Variants in SPEG observed in about 807,000 individuals in gnomAD.
SPEG encodes striated muscle enriched protein kinase.
Under a neutral mutation model 300.4 loss-of-function variants are expected in SPEG, and 114 were observed. The ratio of observed to expected loss-of-function variants is 0.38; its 90% CI spans 0.33 to 0.44. The LOEUF (loss-of-function observed/expected upper bound fraction) is 0.44. Among genes scored for constraint, SPEG ranks in the 20% least tolerant of loss-of-function variants. The pLI, the probability that SPEG is intolerant of heterozygous loss-of-function variation, is 1.00. For missense variants in SPEG, 4,201 were observed against 4,586.2 expected (o/e 0.92, Z 2.43); for synonymous variants, 1,964 against 2,018.9 (o/e 0.97, Z 0.73).
chr2:219,469,661 A>C (rs1043873967), intron 13 of SPEG, among the ~76,000 whole-genome samples: 1 of 152,208 alleles, frequency 6.6e-6, no homozygotes, highest in Non-Finnish European at 1.5e-5. Context: ...CAAGTTACAG[A>C]AGCCCTCTGT....
chr2:219,473,550 C>A lies in SPEG; in HGVS notation c.4194C>A (p.Ile1398=), dbSNP rs767998262. The change falls in exon 17 of 41, where the codon ATC becomes ATA. Residue 1398 remains isoleucine, a synonymous_variant. Coordinates refer to ENST00000312358, the MANE Select transcript of SPEG (RefSeq NM_005876.5). This position sits in a 1 kb window ranked among gnomAD's most constrained non-coding sequence, Gnocchi z 4.6. ...EAPAMLDKPD[I]VYVVEGQPAS... The stretch of plus-strand genomic sequence containing the variant: ...CTGCCATGCTGGACAAACCAGACAT[C>A]GTGTATGTGGTGGAGGGACAGCCTG... The A allele has an allele frequency of 1.2e-6, 2 of 1,613,984 alleles. No homozygotes were observed. The highest frequency in any genetic ancestry group is 1.3e-5 in the African/African-American group (1 of 74,906).
Position 219,449,057 on chromosome 2 carries a change from C to T in SPEG, c.1899C>T (p.Pro633=). ...CACCCCCCGGTCGGAAGCGGGAGCC[C>T]CCGGCGCAGGCCGTGCGCTTCCTGC... The part of the protein sequence containing the change: ...TKAPPGRKRE[P]PAQAVRFLPW... The change falls in exon 4 of 41, where the codon CCC becomes CCT. Residue 633 remains proline, a synonymous_variant. Coordinates refer to ENST00000312358, the MANE Select transcript of SPEG (RefSeq NM_005876.5). The T allele has an allele frequency of 6.6e-7, 1 of 1,518,594 alleles. No individual in the cohort carries two copies. The highest frequency in any genetic ancestry group is 8.8e-7 in the Non-Finnish European group (1 of 1,132,988). The allele number at this position is 1,518,594 out of a possible 1,614,324, so 94.1% of individuals were successfully genotyped here.
Position 219,473,425 on chromosome 2 carries a change from T to G in SPEG, c.4148-79T>G. 2.9e-6 allele frequency: 4 copies of G among 1,358,204 alleles called. No homozygotes were observed. The highest frequency in any genetic ancestry group is 3.1e-6 in the Non-Finnish European group (3 of 959,694). The allele number at this position is 1,358,204 out of a possible 1,614,324, so 84.1% of individuals were successfully genotyped here. On this transcript the variant is annotated intron_variant, in intron 16 of 40. Transcript: ENST00000312358. The surrounding 1 kb of genome is among the most constrained non-coding windows in gnomAD (Gnocchi z 4.6). ...TGTAAAAACGGAACTCAAGTGTTGATGAGGGGTGTTAGAGGAGTGGTGGGT... is the reference window on the plus strand; with the variant it reads ...TGTAAAAACGGAACTCAAGTGTTGAGGAGGGGTGTTAGAGGAGTGGTGGGT...
intron 13 of SPEG, among the ~76,000 whole-genome samples, chr2:219,471,168 G>A (rs1575128534): frequency 6.6e-6 from 1 of 152,110 alleles, no homozygotes; most frequent in African/African-American, 2.4e-5. Context: ...CGGGCCAGGG[G>A]CAGGGGGGCT....
rs1236593734 is a variant in SPEG at position 219,451,701 on chromosome 2, C to T, written c.2334C>T (p.Thr778=). The change falls in exon 6 of 41, where the codon ACC becomes ACT. Residue 778 remains threonine, a synonymous_variant. Transcript: ENST00000312358. The surrounding 1 kb of genome is among the most constrained non-coding windows in gnomAD (Gnocchi z 6.4). ...LLLRAEGERH[T]LLLREARAAD... ...TCCGGGCTGAGGGTGAGCGGCACAC[C>T]CTGCTGCTCAGGGAGGCCAGGGCAG... 1 of 1,573,004 alleles carries T rather than the reference C, an allele frequency of 6.4e-7. No homozygotes were observed. Among genetic ancestry groups the T allele is most frequent in the African/African-American group, 1.3e-5 (1 of 74,272 alleles).
chr2:219,487,202 A>G (rs1693516741), intron 31 of SPEG, among the ~76,000 whole-genome samples: 2 of 152,154 alleles, frequency 1.3e-5, no homozygotes, highest in African/African-American at 2.4e-5. Context: ...AGGGCACTAA[A>G]GAGGCACAGG....
chr2:219,484,917 C>A lies in SPEG; in HGVS notation c.7454C>A (p.Thr2485Lys). Residue 2485 changes from threonine to lysine, a missense_variant, in exon 30 of 41, where the codon ACG becomes AAG. Physicochemically the swap from Thr to Lys is moderately conservative, Grantham distance 78 (BLOSUM62 -1). Around this residue, in one of 4 missense-constraint regions of SPEG, gnomAD observed 1,578 missense variants for 1,506.0 expected, o/e 1.05. Transcript: ENST00000312358. ...EDSGGASGRS[T>K]PLFGRLRRAT... ...TCGGGGGGCGCGTCGGGCCGCAGCACGCCGCTGTTCGGACGGCTTCGCAGG... is the reference window on the plus strand; with the variant it reads ...TCGGGGGGCGCGTCGGGCCGCAGCAAGCCGCTGTTCGGACGGCTTCGCAGG... 1 of 1,526,490 alleles carries A rather than the reference C, an allele frequency of 6.6e-7. No homozygotes were observed. Among genetic ancestry groups the A allele is most frequent in the East Asian group, 2.5e-5 (1 of 39,828 alleles). The allele number at this position is 1,526,490 out of a possible 1,614,324, so 94.6% of individuals were successfully genotyped here.
rs1691103644 is a variant in SPEG, at chr2:219,464,776, AG to A, written c.2881+170del. 1.6e-6 allele frequency: 1 copy of A among 628,406 alleles called. No homozygotes were observed. The highest frequency in any genetic ancestry group is 1.8e-5 in the African/African-American group (1 of 54,288). The allele number at this position is 628,406 out of a possible 1,614,324, so 38.9% of individuals were successfully genotyped here. A position where few individuals can be genotyped will look rare whatever the true frequency, so the allele number is the denominator to read the frequency against. ...GTTGAGTGAACCAAAGCCCAGAGAC[AG>A]GAAGTGACCTGCCCAAAGCTGCACA... On this transcript the variant is annotated intron_variant, in intron 9 of 40. Transcript: ENST00000312358. This position sits in a 1 kb window ranked among gnomAD's most constrained non-coding sequence, Gnocchi z 4.5.
chr2:219,465,965 A>G (rs1393129065), intron 9 of SPEG: 30 of 1,100,744 alleles, frequency 2.7e-5, no homozygotes, highest in Middle Eastern at 4.0e-4. Context: ...GTGCGTGTGC[A>G]TGCGTGTGTG....
At chr2:219,475,749 T>A (rs972794232) in intron 18 of SPEG, among the ~76,000 whole-genome samples, 1 of 152,168 alleles carries the variant, frequency 6.6e-6, no homozygotes, top group Non-Finnish European at 1.5e-5. Context: ...TGGAGCCCCA[T>A]TTGAGCCCAG....
In SPEG at chr2:219,485,513, C is replaced by T. The variant is rs776626787; in HGVS notation, c.7741+36C>T. On this transcript the variant is annotated intron_variant, in intron 31 of 40. Transcript: ENST00000312358. ...GCCTGCTGGGTGAGGACCCTCCTCC[C>T]CTCCTGCCCTCCCCTACCCCCATCA... 6.9e-5 allele frequency: 104 copies of T among 1,509,590 alleles called. 1 individual carries two copies. In the Middle Eastern group the frequency reaches 7.2e-4, roughly 10 times the overall value. The allele number at this position is 1,509,590 out of a possible 1,614,324, so 93.5% of individuals were successfully genotyped here.
At position 219,492,143 on chromosome 2, in the gene SPEG, A is replaced by T; in HGVS notation, c.9494A>T (p.Asp3165Val). Residue 3165 changes from aspartate to valine, a missense_variant, in exon 40 of 41, where the codon GAC becomes GTC. By Grantham distance (152) the Asp-to-Val change is radical. Coordinates refer to ENST00000312358, the MANE Select transcript of SPEG (RefSeq NM_005876.5). ...LSGRSPFYEP[D>V]PQETEARIVG... Reference sequence around the variant, plus strand: ...GGACGCTCCCCGTTCTATGAGCCAGACCCCCAGGAAACGGAGGCTCGGATT... The same window carrying T: ...GGACGCTCCCCGTTCTATGAGCCAGTCCCCCAGGAAACGGAGGCTCGGATT... 1.2e-6 allele frequency: 2 copies of T among 1,613,328 alleles called. No homozygotes were observed. The highest frequency in any genetic ancestry group is 1.7e-6 in the Non-Finnish European group (2 of 1,179,718).
intron 9 of SPEG, chr2:219,466,859 C>T (rs978521367): frequency 8.6e-7 from 1 of 1,156,806 alleles, no homozygotes; most frequent in Non-Finnish European, 1.1e-6. Flanking sequence ...CCAGTTTGTA[C>T]CTATCTGGTG....
intron 14 of SPEG, 38 bp downstream of exon 14, chr2:219,472,025 C>A (rs373258647): frequency 1.2e-6 from 2 of 1,604,572 alleles, no homozygotes; most frequent in Non-Finnish European, 1.7e-6. Context: ...GCACGCACAG[C>A]CTGGCCTCTG....
intron 14 of SPEG, 30 bp downstream of exon 14, chr2:219,472,017 A>G (rs915843868): frequency 6.2e-7 from 1 of 1,606,874 alleles, no homozygotes; most frequent in Non-Finnish European, 8.5e-7. Flanking sequence ...GGTCAGCTGC[A>G]CGCACAGCCT....
rs571099059 is a variant in SPEG at position 219,451,655 on chromosome 2, G to T, written c.2288G>T (p.Arg763Leu). Residue 763 changes from arginine (R) to leucine (L), a missense_variant, in exon 6 of 41, where the codon CGC (arginine) becomes CTC (leucine). Physicochemically the swap from Arg to Leu is moderately radical, Grantham distance 102. Transcript: ENST00000312358. The surrounding 1 kb of genome is among the most constrained non-coding windows in gnomAD (Gnocchi z 6.4). ...TGGCACAAGGATGGGTCAGCGCTGC[G>T]CAGCGAGGGCCGCCTCCTCCTCCGG... ...VSWHKDGSALRSEGRLLLRAE... is the reference protein window; with the variant it reads ...VSWHKDGSALLSEGRLLLRAE... The T allele has an allele frequency of 1.3e-6, 2 of 1,587,318 alleles. No homozygotes were observed. The highest frequency in any genetic ancestry group is 2.3e-5 in the East Asian group (1 of 43,942).
At chr2:219,460,383 G>A (rs1349646167) in intron 6 of SPEG, 2 of 985,346 alleles carry the variant, frequency 2.0e-6, no homozygotes, top group Non-Finnish European at 2.4e-6. Flanking sequence ...GATCTTGGTG[G>A]TTCCGTCAGA....
rs1312701024 is a variant in SPEG at position 219,466,546 on chromosome 2, C to T, written c.2882-628C>T. 2.8e-6 allele frequency: 3 copies of T among 1,063,316 alleles called. No individual in the cohort carries two copies. The African/African-American group carries it at 5.0e-5, about 18-fold the overall frequency. The allele number at this position is 1,063,316 out of a possible 1,614,324, so 65.9% of individuals were successfully genotyped here. A position where few individuals can be genotyped will look rare whatever the true frequency, so the allele number is the denominator to read the frequency against. On this transcript the variant is annotated intron_variant, in intron 9 of 40. Transcript: ENST00000312358. Reference sequence around the variant, plus strand: ...AGGAGCAGGGGCTGTTGACAAAGGCCTTACCAGGAAGGGTTAGGACACTGA... The same window carrying T: ...AGGAGCAGGGGCTGTTGACAAAGGCTTTACCAGGAAGGGTTAGGACACTGA...
Position 219,484,997 on chromosome 2 carries a change from G to A in SPEG, c.7534G>A (p.Ala2512Thr). 1 of 1,531,166 alleles carries A rather than the reference G, an allele frequency of 6.5e-7. No homozygotes were observed. Among genetic ancestry groups the A allele is most frequent in the South Asian group, 1.2e-5 (1 of 83,792 alleles). 94.8% of individuals were successfully genotyped at this position (1,531,166 alleles called of 1,614,324 possible). The change falls in exon 30 of 41, where the codon GCC becomes ACC. Residue 2512 changes from alanine to threonine, a missense_variant. By Grantham distance (58) the Ala-to-Thr change is moderately conservative. Coordinates refer to ENST00000312358, the MANE Select transcript of SPEG (RefSeq NM_005876.5). ...RRLGLPHNQL[A>T]AQAGATTPSA... ...CCTTGGCCTTCCGCACAACCAGTTG[G>A]CCGCCCAGGCCGGCGCCACCACGCC...
Sources: gnomAD v4.1 joint callset for allele counts (sites outside exome capture counted in the v4.1 genomes callset) on GRCh38, gnomAD v4.1.1 for gene constraint, gnomAD v4.1.1 regional missense constraint, Gnocchi (gnomAD v3.1) non-coding constraint, MANE v1.5 for transcripts, NCBI Gene and HGNC (gene_info 2026-07-23, HGNC 2026-07-21) for gene names.